The following TRIM66 variants were observed in gnomAD, a reference collection of about 807,000 sequenced individuals.
The protein encoded by TRIM66 is tripartite motif containing 66.
A neutral mutation model predicts 148.2 loss-of-function variants in TRIM66; 99 were observed. The ratio of observed to expected loss-of-function variants is 0.67; its 90% confidence interval spans 0.57 to 0.79. The LOEUF is 0.79. Ranked by LOEUF, TRIM66 falls within the 30% of genes least tolerant of loss-of-function variation. TRIM66 has a pLI of 0.00. For synonymous variants in TRIM66, 616 were observed against 635.9 expected, an observed-to-expected ratio of 0.97 and a Z score of 0.47; for missense variants, 1,666 against 1,697.9, an observed-to-expected ratio of 0.98 and a Z score of 0.33.
chr11:8,658,873 A>G, intron 6 of TRIM66: 3 of 911,064 alleles, frequency 3.3e-6, no homozygotes, highest in Non-Finnish European at 3.9e-6. Context: ...CTTCACCTGA[A>G]GTCCTTATCC....
At position 8,672,025 on chromosome 11, in the gene TRIM66, G is replaced by A. The variant is rs1445530753; in HGVS notation, c.101C>T (p.Thr34Ile). ...CATGCCCATGTCCACAGCCATGCCT[G>A]TGCCCAGGACTGGGGCTTTTCCACT... Reference protein sequence around the residue: ...DISGKAPVLGTGMAVDMGMSF... With the variant: ...DISGKAPVLGIGMAVDMGMSF... The change falls in exon 6 of 25, where the codon ACA (threonine) becomes ATA (isoleucine). Residue 34 changes from threonine (T) to isoleucine (I), a missense_variant. Thr to Ile is a moderately conservative substitution (Grantham distance 89). This residue lies in a region of TRIM66 where 1,431 missense variants were observed against 1,412.4 expected (regional missense o/e 1.01). Transcript: ENST00000646038. The A allele has an allele frequency of 6.5e-7, 1 of 1,535,962 alleles. No individual in the cohort carries two copies. Among genetic ancestry groups the A allele is most frequent in the South Asian group, 1.2e-5 (1 of 84,062 alleles).
chr11:8,618,343 C>A (rs2033869404), intron 24 of TRIM66, among the ~76,000 whole-genome samples: 1 of 152,208 alleles, frequency 6.6e-6, no homozygotes, highest in Non-Finnish European at 1.5e-5. Flanking sequence ...TTACCTACAC[C>A]AAGGGGCTAA....
At chr11:8,676,234 CTT>C (rs75701989) in intron 3 of TRIM66, among the ~76,000 whole-genome samples, 41 of 141,570 alleles carry the variant, frequency 2.9e-4, no homozygotes, top group Admixed American at 3.6e-4. Context: ...AGGTAAACTT[CTT>C]TTTTTTTTTT....
intron 8 of TRIM66, among the ~76,000 whole-genome samples, chr11:8,648,760 A>G (rs1252075107): frequency 6.6e-6 from 1 of 152,236 alleles, no homozygotes; most frequent in Non-Finnish European, 1.5e-5. Flanking sequence ...GAAATAGCAC[A>G]CCATCAAGCC....
intron 15 of TRIM66, among the ~76,000 whole-genome samples, chr11:8,629,799 C>T (rs2035221098): frequency 6.6e-6 from 1 of 152,112 alleles, no homozygotes; most frequent in African/African-American, 2.4e-5. Context: ...ACAGCCACAG[C>T]CAATCTCAAG....
chr11:8,622,280 CATATATATATGT>C (rs200032839), intron 18 of TRIM66, among the ~76,000 whole-genome samples: 2,241 of 144,614 alleles, frequency 0.015, 81 homozygotes, highest in African/African-American at 0.055. Flanking sequence ...AATAAACTTC[CATATATATATGT>C]ATATATATAT....
At chr11:8,639,294 T>G (rs1190544841) in intron 14 of TRIM66, among the ~76,000 whole-genome samples, 1 of 152,028 alleles carries the variant, frequency 6.6e-6, no homozygotes, top group Non-Finnish European at 1.5e-5. Context: ...ATAACTGTGA[T>G]TACAGATTTA....
intron 7 of TRIM66, among the ~76,000 whole-genome samples, chr11:8,650,567 A>T (rs1167110147): frequency 2.0e-5 from 3 of 152,138 alleles, no homozygotes; most frequent in African/African-American, 7.2e-5. Flanking sequence ...TCCTGTGCTG[A>T]AGCTAAGGAC....
At chr11:8,621,476 C>T (rs2034207180) in intron 19 of TRIM66, among the ~76,000 whole-genome samples, 155 bp from the exon 20 acceptor site, 1 of 152,190 alleles carries the variant, frequency 6.6e-6, no homozygotes, top group Non-Finnish European at 1.5e-5. Flanking sequence ...GGACACCTCA[C>T]TCCTAATATG....
rs1306797713 is a variant in TRIM66, at chr11:8,624,428, CAG to C, written c.2948_2949del (p.Ser983CysfsTer26). The C allele has an allele frequency of 1.3e-6, 2 of 1,551,532 alleles. No homozygotes were observed. The highest frequency in any genetic ancestry group is 2.4e-5 in the East Asian group (1 of 40,922). On this transcript the variant is annotated frameshift_variant, in exon 17 of 25. Transcript: ENST00000646038. LOFTEE classifies it high-confidence loss of function. ...ACTGGCGCCAGTGGAGGTTTCTTCA[CAG>C]AGAGGTTAATTGGCTCCTCCAGTTC... The part of the protein sequence containing the change: ...PSELEEPINL[S>X]VKKPPLAPVV...
At chr11:8,665,038 T>C (rs2038502144) in intron 6 of TRIM66, among the ~76,000 whole-genome samples, 1 of 152,058 alleles carries the variant, frequency 6.6e-6, no homozygotes, top group Non-Finnish European at 1.5e-5. Context: ...TTGGAGGCAT[T>C]GAAGCTAGGA....
At chr11:8,654,588 A>G (rs2037651096) in intron 6 of TRIM66, 1 of 152,228 alleles carries the variant, frequency 6.6e-6, no homozygotes, top group African/African-American at 2.4e-5. Context: ...TCTGCACACA[A>G]AAATAAACCA....
At chr11:8,648,359 A>C in intron 9 of TRIM66, 57 bp downstream of exon 9, 2 of 1,535,634 alleles carry the variant, frequency 1.3e-6, no homozygotes, top group Non-Finnish European at 8.8e-7. Flanking sequence ...CAGAGCTCTC[A>C]CAAGTAAGAA....
chr11:8,621,333 AG>A lies in TRIM66; in HGVS notation c.3256-13del. The A allele has an allele frequency of 6.5e-7, 1 of 1,546,582 alleles. No individual in the cohort carries two copies. The highest frequency in any genetic ancestry group is 8.7e-7 in the Non-Finnish European group (1 of 1,143,992). On this transcript the variant is annotated splice_polypyrimidine_tract_variant and intron_variant, in intron 19 of 24. Coordinates refer to ENST00000646038, the MANE Select transcript of TRIM66 (RefSeq NM_001388022.1). The stretch of plus-strand genomic sequence containing the variant: ...CTGTCCTGGCTGACCTTGGGGAAGA[AG>A]TAAGTCTGGGCAGCCAGAGCACAGA...
chr11:8,637,083 T>C (rs1377931823), intron 15 of TRIM66, among the ~76,000 whole-genome samples: 1 of 152,166 alleles, frequency 6.6e-6, no homozygotes, highest in East Asian at 1.9e-4. Context: ...TAAAATAATG[T>C]CCCCTAAGAA....
intron 15 of TRIM66, among the ~76,000 whole-genome samples, chr11:8,633,039 T>C (rs2035557054): frequency 6.6e-6 from 1 of 152,200 alleles, no homozygotes; most frequent in East Asian, 1.9e-4. Flanking sequence ...TGGATTCTAG[T>C]AAGTCTGAAG....
chr11:8,671,539 G>A (rs1318922806), intron 6 of TRIM66, among the ~76,000 whole-genome samples: 2 of 152,172 alleles, frequency 1.3e-5, no homozygotes, highest in Non-Finnish European at 2.9e-5. Flanking sequence ...AACCTTTCCA[G>A]GCTTCTTAGT....
Position 8,634,997 on chromosome 11 carries a change from A to G in TRIM66, c.2310+3657T>C, listed in dbSNP as rs190403855. On this transcript the variant is annotated intron_variant, in intron 15 of 24. Coordinates refer to ENST00000646038, the MANE Select transcript of TRIM66 (RefSeq NM_001388022.1). ...ACACCTTTACCAGATAAAACAACCA[A>G]TACCAAACTAGGCTGGGTCCTAAGA... 1.1e-3 allele frequency among the ~76,000 whole-genome samples: 171 copies of G among 152,308 alleles called. 1 individual carries two copies. Among genetic ancestry groups the G allele is most frequent in the African/African-American group, 3.9e-3 (162 of 41,576 alleles).
chr11:8,622,676 A>T, intron 18 of TRIM66, 140 bp downstream of exon 18: 2 of 738,782 alleles, frequency 2.7e-6, no homozygotes, highest in Non-Finnish European at 4.6e-6. Flanking sequence ...CATCCACTTG[A>T]AGGTTGAGGG....
Sources: allele counts gnomAD v4.1 joint callset (sites outside exome capture counted in the v4.1 genomes callset), GRCh38; gene constraint gnomAD v4.1.1; regional missense constraint gnomAD v4.1.1; transcripts MANE v1.5; gene names NCBI Gene and HGNC (gene_info 2026-07-23, HGNC 2026-07-21).